DCDC1: variants seen among roughly 807,000 people sequenced by gnomAD.
DCDC1 encodes the protein doublecortin domain containing 1.
In DCDC1, 200 loss-of-function variants were observed where a neutral mutation model predicts 178.3. That is an observed-to-expected ratio of 1.12 (90% CI 1.00 to 1.26). DCDC1 has a LOEUF of 1.26. Ranked by LOEUF, DCDC1 falls within the 50% of genes most tolerant of loss-of-function variation. The pLI is 0.00. For missense variants in DCDC1, 1,983 were observed against 1,749.2 expected, an observed-to-expected ratio of 1.13 and a Z score of -2.38; for synonymous variants, 690 against 604.8, an observed-to-expected ratio of 1.14 and a Z score of -2.07.
At position 31,015,840 on chromosome 11, in the gene DCDC1, G is replaced by C. The variant is rs71482083; in HGVS notation, c.2591+48629C>G. Among the ~76,000 whole-genome samples the C allele has an allele frequency of 5.8e-3, 877 of 152,326 alleles. 3 individuals carry two copies. The highest frequency in any genetic ancestry group is 0.011 in the Non-Finnish European group (716 of 68,026). On this transcript the variant is annotated intron_variant, in intron 20 of 38. Coordinates refer to ENST00000684477, the MANE Select transcript of DCDC1 (RefSeq NM_001387274.1). ...GTCAGCCACTGTGTAAAGGGCCCGA[G>C]TGGAGACTTCTGTGGTAGGAATTAA...
At chr11:31,100,432 A>G (rs968714635) in intron 15 of DCDC1, among the ~76,000 whole-genome samples, 5 of 152,216 alleles carry the variant, frequency 3.3e-5, no homozygotes, top group Non-Finnish European at 1.5e-5. Flanking sequence ...CTATACCAAA[A>G]CACAAACTCA....
rs559262071 is a variant in DCDC1 at position 31,159,034 on chromosome 11, A to T, written c.1222-21250T>A. Among the ~76,000 whole-genome samples, 9 of 152,286 alleles carry T rather than the reference A, an allele frequency of 5.9e-5. No individual in the cohort carries two copies. The East Asian group carries it at 1.7e-3, about 29-fold the overall frequency. ...AAAAAATACAAAAAAACCCCAAAAA[A>T]TACCAATAAAAATAATAAAAATAAT... On this transcript the variant is annotated intron_variant, in intron 9 of 38. Coordinates refer to ENST00000684477, the MANE Select transcript of DCDC1 (RefSeq NM_001387274.1).
chr11:31,098,203 T>A (rs867426209), intron 15 of DCDC1, among the ~76,000 whole-genome samples: 1 of 152,220 alleles, frequency 6.6e-6, no homozygotes, highest in South Asian at 2.1e-4. Context: ...ATTCTCCTCA[T>A]GAAATATCTC....
At chr11:30,876,989 C>T (rs184779240) in intron 38 of DCDC1, among the ~76,000 whole-genome samples, 3 of 152,036 alleles carry the variant, frequency 2.0e-5, no homozygotes, top group Non-Finnish European at 1.5e-5. Context: ...TCCTATATGG[C>T]ACACAGATGC....
At chr11:30,953,981 T>C (rs1394779736) in intron 20 of DCDC1, among the ~76,000 whole-genome samples, 2 of 151,016 alleles carry the variant, frequency 1.3e-5, no homozygotes. Flanking sequence ...ATTATGCATG[T>C]ATATATTAAT....
At chr11:30,871,473 T>C (rs1941548937) in intron 38 of DCDC1, among the ~76,000 whole-genome samples, 2 of 152,186 alleles carry the variant, frequency 1.3e-5, no homozygotes, top group African/African-American at 4.8e-5. Flanking sequence ...CTGTAACTTG[T>C]AACTTGAACA....
At chr11:31,115,476 C>T (rs1331121874) in intron 11 of DCDC1, among the ~76,000 whole-genome samples, 1 of 151,990 alleles carries the variant, frequency 6.6e-6, no homozygotes, top group African/African-American at 2.4e-5. Flanking sequence ...TGTCAAGAGG[C>T]AATAATAGAA....
intron 6 of DCDC1, among the ~76,000 whole-genome samples, chr11:31,299,387 C>T (rs555301263): frequency 6.6e-6 from 1 of 152,264 alleles, no homozygotes; most frequent in South Asian, 2.1e-4. Context: ...TTTCCCTGAA[C>T]TTTTCTATGA....
intron 25 of DCDC1, among the ~76,000 whole-genome samples, chr11:30,918,987 T>A (rs374336737): frequency 2.9e-4 from 44 of 152,294 alleles, no homozygotes; most frequent in African/African-American, 1.0e-3. Context: ...GCTTTATGCA[T>A]GTCCCTCCTT....
intron 11 of DCDC1, among the ~76,000 whole-genome samples, chr11:31,124,187 A>T (rs1013300410): frequency 9.2e-5 from 14 of 152,114 alleles, no homozygotes; most frequent in Admixed American, 2.6e-4. Flanking sequence ...ATTTTGAGGT[A>T]CATTCCTTCA....
At chr11:30,887,598 C>T (rs1943292262) in intron 36 of DCDC1, among the ~76,000 whole-genome samples, 1 of 152,140 alleles carries the variant, frequency 6.6e-6, no homozygotes, top group South Asian at 2.1e-4. Context: ...CTAGGATCTA[C>T]TTTTTAAACT....
chr11:30,994,625 ATTAT>A (rs1430337291), intron 20 of DCDC1, among the ~76,000 whole-genome samples: 2 of 145,678 alleles, frequency 1.4e-5, no homozygotes, highest in East Asian at 3.9e-4. Flanking sequence ...ATATATATAA[ATTAT>A]TTATATATTT....
chr11:31,326,453 G>A (rs911714615), intron 3 of DCDC1, among the ~76,000 whole-genome samples: 1 of 151,962 alleles, frequency 6.6e-6, no homozygotes, highest in African/African-American at 2.4e-5. Flanking sequence ...GTAGAAAATT[G>A]GAAATAAATA....
At chr11:30,975,067 C>G (rs547512505) in intron 20 of DCDC1, among the ~76,000 whole-genome samples, 9 of 152,164 alleles carry the variant, frequency 5.9e-5, no homozygotes, top group Non-Finnish European at 8.8e-5. Context: ...GATGGTTCAA[C>G]ATGCACAAAT....
At chr11:31,351,938 T>G (rs1489925552) in intron 1 of DCDC1, among the ~76,000 whole-genome samples, 1 of 152,132 alleles carries the variant, frequency 6.6e-6, no homozygotes, top group Non-Finnish European at 1.5e-5. Context: ...TTTAAAGGGC[T>G]GCAGAGGGAA....
intron 38 of DCDC1, among the ~76,000 whole-genome samples, chr11:30,874,368 G>C (rs372510493): frequency 1.3e-5 from 2 of 152,258 alleles, no homozygotes; most frequent in Admixed American, 6.5e-5. Context: ...ACTCAAATTT[G>C]AGAATCATAT....
At chr11:31,059,353 G>A (rs1590908039) in intron 20 of DCDC1, among the ~76,000 whole-genome samples, 2 of 151,952 alleles carry the variant, frequency 1.3e-5, no homozygotes, top group South Asian at 2.1e-4. Flanking sequence ...GCCAATATCA[G>A]GATATTTGAC....
intron 1 of DCDC1, among the ~76,000 whole-genome samples, chr11:31,357,170 T>A (rs1024379031): frequency 6.6e-6 from 1 of 152,110 alleles, no homozygotes; most frequent in African/African-American, 2.4e-5. Flanking sequence ...CTGATGAACA[T>A]TGATGCTAAA....
At chr11:30,870,054 T>C (rs554905169) in intron 38 of DCDC1, among the ~76,000 whole-genome samples, 1 of 152,296 alleles carries the variant, frequency 6.6e-6, no homozygotes, top group South Asian at 2.1e-4. Context: ...TGAAGTCAGA[T>C]AGGGTAAGTA....
Sources: allele counts gnomAD v4.1 joint callset (sites outside exome capture counted in the v4.1 genomes callset), GRCh38; gene constraint gnomAD v4.1.1; transcripts MANE v1.5; gene names NCBI Gene and HGNC (gene_info 2026-07-23, HGNC 2026-07-21).